SCLT1: variants seen among roughly 807,000 people sequenced by gnomAD.
SCLT1 encodes the protein sodium channel and clathrin linker 1.
Under a neutral mutation model 112.8 loss-of-function variants are expected in SCLT1, and 78 were observed. That is an observed-to-expected ratio of 0.69 (90% CI 0.58 to 0.83). The LOEUF (loss-of-function observed/expected upper bound fraction) is 0.83. SCLT1 is among the 40% of genes least tolerant of loss of function. The pLI is 0.00. For synonymous variants in SCLT1, 257 were observed against 254.7 expected (o/e 1.01, Z -0.09); for missense variants, 747 against 770.4 (o/e 0.97, Z 0.36).
chr4:129,039,249 T>C (rs1012534177), intron 4 of SCLT1, 153 bp from the exon 5 acceptor site: 1 of 557,952 alleles, frequency 1.8e-6, no homozygotes, highest in South Asian at 2.7e-5. Context: ...TTAATATGGA[T>C]AATTTACTAA....
At position 129,047,659 on chromosome 4, in the gene SCLT1, G is replaced by T. The variant is rs376501147; in HGVS notation, c.103-3608C>A. Among the ~76,000 whole-genome samples the T allele has an allele frequency of 2.0e-4, 31 of 152,176 alleles. No homozygotes were observed. In the East Asian group the frequency reaches 4.8e-3, roughly 24 times the overall value. ...TCCTCACCAGCATCCATTATTGCCT[G>T]TCTTTAGGATAAAAGTCATTAAAAC... On this transcript the variant is annotated intron_variant, in intron 2 of 20. Coordinates refer to ENST00000281142, the MANE Select transcript of SCLT1 (RefSeq NM_144643.4).
intron 9 of SCLT1, among the ~76,000 whole-genome samples, chr4:128,983,307 CAT>C (rs1175501388): frequency 6.6e-6 from 1 of 152,082 alleles, no homozygotes; most frequent in Non-Finnish European, 1.5e-5. Context: ...AATCTGAGCA[CAT>C]GAGAGTTGGA....
intron 2 of SCLT1, among the ~76,000 whole-genome samples, chr4:129,056,512 G>T (rs7671508): frequency 0.66 from 100,699 of 152,030 alleles, 35,878 homozygotes; most frequent in South Asian, 0.83. Context: ...TTCAATTTCT[G>T]TCAACATTTA....
At chr4:129,073,607 C>A (rs549776769) in intron 2 of SCLT1, among the ~76,000 whole-genome samples, 19 of 152,214 alleles carry the variant, frequency 1.2e-4, no homozygotes, top group African/African-American at 4.3e-4. Flanking sequence ...CTAATGCCTG[C>A]CTTATTCACT....
intron 4 of SCLT1, among the ~76,000 whole-genome samples, 158 bp downstream of exon 4, chr4:129,043,237 C>T (rs1747871304): frequency 6.6e-6 from 1 of 152,150 alleles, no homozygotes; most frequent in Non-Finnish European, 1.5e-5. Context: ...AACATATGCA[C>T]ATATATACAT....
At chr4:128,976,391 T>C (rs1579568924) in intron 9 of SCLT1, among the ~76,000 whole-genome samples, 1 of 152,186 alleles carries the variant, frequency 6.6e-6, no homozygotes, top group Admixed American at 6.5e-5. Flanking sequence ...TCATGTAACT[T>C]TGGGTAACAC....
intron 2 of SCLT1, among the ~76,000 whole-genome samples, chr4:129,046,570 T>A (rs770069709): frequency 2.0e-5 from 3 of 152,162 alleles, no homozygotes; most frequent in Admixed American, 6.6e-5. Flanking sequence ...AATATATTTA[T>A]GCTTTCTATT....
intron 18 of SCLT1, among the ~76,000 whole-genome samples, chr4:128,928,709 G>A (rs976581251): frequency 6.6e-6 from 1 of 152,096 alleles, no homozygotes; most frequent in African/African-American, 2.4e-5. Flanking sequence ...GTGCATGCCT[G>A]TAATCCCAGC....
intron 2 of SCLT1, among the ~76,000 whole-genome samples, chr4:129,066,281 T>C (rs568240518): frequency 6.6e-6 from 1 of 151,984 alleles, no homozygotes; most frequent in South Asian, 2.1e-4. Context: ...AGAAAAAATA[T>C]AACAGAGGAA....
At chr4:129,037,453 A>G (rs1747283084) in intron 5 of SCLT1, 1 of 152,208 alleles carries the variant, frequency 6.6e-6, no homozygotes, top group Non-Finnish European at 1.5e-5. Flanking sequence ...GTGGCTGGTA[A>G]GTAAAACTGG....
intron 2 of SCLT1, among the ~76,000 whole-genome samples, chr4:129,079,172 C>T (rs1023856091): frequency 2.0e-5 from 3 of 152,126 alleles, no homozygotes; most frequent in Non-Finnish European, 4.4e-5. Context: ...ACTCCACCCT[C>T]GGCCCTTCCC....
intron 1 of SCLT1, among the ~76,000 whole-genome samples, chr4:129,091,471 T>A (rs1451456584): frequency 6.6e-6 from 1 of 152,086 alleles, no homozygotes; most frequent in Non-Finnish European, 1.5e-5. Flanking sequence ...TGGATCATTC[T>A]TATAAAATTA....
At chr4:128,988,778 A>T (rs1269646792) in intron 9 of SCLT1, among the ~76,000 whole-genome samples, 1 of 152,002 alleles carries the variant, frequency 6.6e-6, no homozygotes, top group African/African-American at 2.4e-5. Flanking sequence ...AAATACAGGA[A>T]TGGAAAAAGA....
chr4:128,923,231 A>T (rs573001303), intron 18 of SCLT1, among the ~76,000 whole-genome samples: 156 of 152,082 alleles, frequency 1.0e-3, no homozygotes, highest in African/African-American at 3.6e-3. Context: ...GGATCACTTG[A>T]GGTCAGGAGT....
intron 4 of SCLT1, among the ~76,000 whole-genome samples, chr4:129,040,682 C>G (rs1747618559): frequency 6.6e-6 from 1 of 152,088 alleles, no homozygotes; most frequent in Admixed American, 6.6e-5. Flanking sequence ...AAATTCTTCC[C>G]TACTATTTAT....
intron 13 of SCLT1, among the ~76,000 whole-genome samples, chr4:128,954,885 C>T (rs1739090950): frequency 6.6e-6 from 1 of 152,122 alleles, no homozygotes; most frequent in Non-Finnish European, 1.5e-5. Context: ...AATTTTGGTT[C>T]TTATAAGCCT....
At chr4:128,928,150 C>T (rs1051545774) in intron 18 of SCLT1, among the ~76,000 whole-genome samples, 1 of 151,748 alleles carries the variant, frequency 6.6e-6, no homozygotes, top group Non-Finnish European at 1.5e-5. Flanking sequence ...AAAACAACAA[C>T]AAAATTCCAG....
intron 2 of SCLT1, among the ~76,000 whole-genome samples, chr4:129,071,569 GT>G (rs150055000): frequency 6.6e-6 from 1 of 151,738 alleles, no homozygotes; most frequent in Non-Finnish European, 1.5e-5. Context: ...TTGCTTTAAA[GT>G]TTTTTTTGTT....
intron 2 of SCLT1, among the ~76,000 whole-genome samples, chr4:129,054,834 T>C (rs538292799): frequency 6.6e-6 from 1 of 152,166 alleles, no homozygotes; most frequent in Non-Finnish European, 1.5e-5. Flanking sequence ...AGAGGAATTC[T>C]GGTTTTTGGA....
Sources: gnomAD v4.1 joint callset for allele counts (sites outside exome capture counted in the v4.1 genomes callset) on GRCh38, gnomAD v4.1.1 for gene constraint, MANE v1.5 for transcripts, NCBI Gene and HGNC (gene_info 2026-07-23, HGNC 2026-07-21) for gene names.